Variants in REEP1 observed in about 807,000 individuals in gnomAD.
REEP1 encodes the protein receptor expression-enhancing protein 1.
In REEP1, 22 loss-of-function variants were observed where a neutral mutation model predicts 40.3. That is an observed-to-expected ratio of 0.55 (90% CI 0.39 to 0.78). REEP1 has a LOEUF of 0.78. Among genes scored for constraint, REEP1 ranks in the 30% least tolerant of loss-of-function variants. The pLI is 0.00. For missense variants in REEP1, 280 were observed against 361.1 expected, an observed-to-expected ratio of 0.78 and a Z score of 1.82; for synonymous variants, 116 against 139.2, an observed-to-expected ratio of 0.83 and a Z score of 1.17.
At chr2:86,278,604 T>G (rs954234191) in intron 2 of REEP1, among the ~76,000 whole-genome samples, 1 of 152,244 alleles carries the variant, frequency 6.6e-6, no homozygotes, top group Non-Finnish European at 1.5e-5. Context: ...CTACTCAGCA[T>G]CCAAAGCCTT....
intron 1 of REEP1, among the ~76,000 whole-genome samples, chr2:86,284,585 G>A (rs1412462765): frequency 6.6e-6 from 1 of 152,190 alleles, no homozygotes; most frequent in Non-Finnish European, 1.5e-5. Context: ...CCATGGACTG[G>A]GGGGAAATAA....
At chr2:86,251,652 T>G (rs1676279404) in intron 5 of REEP1, 8 of 418,684 alleles carry the variant, frequency 1.9e-5, no homozygotes, top group South Asian at 1.6e-4. Context: ...AGTTAGAAAT[T>G]CTATTATTTT....
intron 1 of REEP1, among the ~76,000 whole-genome samples, chr2:86,293,566 G>A (rs533466675): frequency 6.6e-6 from 1 of 152,108 alleles, no homozygotes; most frequent in East Asian, 1.9e-4. Context: ...CAGTAAAAAG[G>A]GTGAATTTCA....
At chr2:86,301,072 T>C (rs1233427130) in intron 1 of REEP1, among the ~76,000 whole-genome samples, 1 of 152,138 alleles carries the variant, frequency 6.6e-6, no homozygotes, top group African/African-American at 2.4e-5. Flanking sequence ...AACGTGTATG[T>C]TTGCGTAAAA....
intron 1 of REEP1, among the ~76,000 whole-genome samples, chr2:86,327,974 G>A (rs761563545): frequency 1.3e-5 from 2 of 152,178 alleles, no homozygotes; most frequent in African/African-American, 2.4e-5. Flanking sequence ...GGTTGGAGCA[G>A]GGTGGCAGTG....
intron 7 of REEP1, among the ~76,000 whole-genome samples, chr2:86,222,663 A>G (rs958759127): frequency 1.4e-4 from 22 of 152,170 alleles, no homozygotes; most frequent in Admixed American, 8.5e-4. Context: ...TGCATTTAAA[A>G]TGTCCTTCTC....
intron 1 of REEP1, among the ~76,000 whole-genome samples, chr2:86,324,892 T>A (rs1031696628): frequency 6.6e-6 from 1 of 152,074 alleles, no homozygotes; most frequent in Non-Finnish European, 1.5e-5. Flanking sequence ...TCATCAACAG[T>A]TTGCTTGATA....
chr2:86,254,080 T>TA (rs1042507838), intron 4 of REEP1, among the ~76,000 whole-genome samples: 6 of 152,230 alleles, frequency 3.9e-5, no homozygotes, highest in African/African-American at 1.4e-4. Flanking sequence ...TCATGGGTAT[T>TA]ACGAAGACCA....
At chr2:86,222,257 C>T (rs1393141854) in intron 7 of REEP1, among the ~76,000 whole-genome samples, 1 of 152,164 alleles carries the variant, frequency 6.6e-6, no homozygotes, top group Non-Finnish European at 1.5e-5. Context: ...AAAGAAATGA[C>T]CCTCCAGCCC....
In REEP1 at chr2:86,337,436, G is replaced by C; in HGVS notation, c.32+43C>G. On this transcript the variant is annotated intron_variant, in intron 1 of 8. Coordinates refer to ENST00000538924, the MANE Select transcript of REEP1 (RefSeq NM_001371279.1). This position sits in a 1 kb window ranked among gnomAD's most constrained non-coding sequence, Gnocchi z 5.8. ...CGCGCGCAGCCCGGGGCCGGGGGCG[G>C]GGAGGGAGGGGACGGAGGGGCGCGG... 2 of 1,209,052 alleles carry C rather than the reference G, an allele frequency of 1.7e-6. No individual in the cohort carries two copies. The highest frequency in any genetic ancestry group is 2.1e-6 in the Non-Finnish European group (2 of 962,844). 74.9% of individuals were successfully genotyped at this position (1,209,052 alleles called of 1,614,324 possible). A position where few individuals can be genotyped will look rare whatever the true frequency, so the allele number is the denominator to read the frequency against.
At chr2:86,220,773 A>T (rs1361094399) in intron 7 of REEP1, among the ~76,000 whole-genome samples, 1 of 151,958 alleles carries the variant, frequency 6.6e-6, no homozygotes, top group Non-Finnish European at 1.5e-5. Flanking sequence ...AATCTGACAG[A>T]TGCCTCTGCC....
intron 2 of REEP1, among the ~76,000 whole-genome samples, chr2:86,266,108 A>C (rs1295549656): frequency 6.6e-6 from 1 of 152,234 alleles, no homozygotes; most frequent in Non-Finnish European, 1.5e-5. Context: ...TCGATATTAG[A>C]ATTAGCAGAC....
intron 3 of REEP1, among the ~76,000 whole-genome samples, chr2:86,255,711 T>C (rs1053419991): frequency 3.3e-5 from 5 of 152,198 alleles, no homozygotes; most frequent in Non-Finnish European, 7.3e-5. Flanking sequence ...CAGAGATTTA[T>C]AAAATAATCA....
At chr2:86,286,028 T>C (rs77285497) in intron 1 of REEP1, among the ~76,000 whole-genome samples, 15,980 of 151,776 alleles carry the variant, frequency 0.11, 1,645 homozygotes, top group African/African-American at 0.26. Flanking sequence ...GCCCACCCTC[T>C]CTTCCCCCCA....
In REEP1 at chr2:86,217,351, T is replaced by A. The variant is rs527808848; in HGVS notation, c.784-241A>T. ...CTCCCTCTTAAATTATGCTCCTCAA[T>A]CTCCCAAGGGAACGGTTGTGCAGAA... On this transcript the variant is annotated intron_variant, in intron 8 of 8. Coordinates refer to ENST00000538924, the MANE Select transcript of REEP1 (RefSeq NM_001371279.1). 1.6e-4 allele frequency among the ~76,000 whole-genome samples: 25 copies of A among 152,234 alleles called. 1 individual carries two copies. In the South Asian group the frequency reaches 5.2e-3, roughly 32 times the overall value.
intron 5 of REEP1, among the ~76,000 whole-genome samples, chr2:86,235,020 G>T (rs1168498522): frequency 6.6e-6 from 1 of 152,200 alleles, no homozygotes; most frequent in Non-Finnish European, 1.5e-5. Flanking sequence ...TCAATGTTAG[G>T]TTAGTGTTCA....
intron 1 of REEP1, among the ~76,000 whole-genome samples, chr2:86,327,435 C>T (rs1460430930): frequency 1.3e-5 from 2 of 152,086 alleles, no homozygotes; most frequent in Non-Finnish European, 2.9e-5. Flanking sequence ...GGGGAGGCCA[C>T]TGCAAGGTAA....
intron 4 of REEP1, among the ~76,000 whole-genome samples, chr2:86,253,672 C>T (rs2104237319): frequency 6.6e-6 from 1 of 152,292 alleles, no homozygotes; most frequent in South Asian, 2.1e-4. Flanking sequence ...CAAAATCCAC[C>T]CTTCTGAGAC....
chr2:86,321,290 C>T (rs1680262453), intron 1 of REEP1, among the ~76,000 whole-genome samples: 1 of 152,106 alleles, frequency 6.6e-6, no homozygotes, highest in Admixed American at 6.5e-5. Flanking sequence ...CTGAAAAGAT[C>T]AAATAAACCT....
Sources: gnomAD v4.1 joint callset for allele counts (sites outside exome capture counted in the v4.1 genomes callset) on GRCh38, gnomAD v4.1.1 for gene constraint, Gnocchi (gnomAD v3.1) non-coding constraint, MANE v1.5 for transcripts, NCBI Gene and HGNC (gene_info 2026-07-23, HGNC 2026-07-21) for gene names.